The following LAMP1 variants were observed in gnomAD, a reference collection of about 807,000 sequenced individuals.
LAMP1 encodes the protein lysosome associated membrane protein 1.
In LAMP1, 7 loss-of-function variants were observed where a neutral mutation model predicts 37.5. The observed-to-expected ratio is 0.19, with a 90% confidence interval of 0.11 to 0.35. LAMP1 has a LOEUF of 0.35. LAMP1 is among the 10% of genes least tolerant of loss of function. The pLI is 1.00. For synonymous variants in LAMP1, 236 were observed against 229.1 expected (o/e 1.03, Z -0.27); for missense variants, 537 against 552.8 (o/e 0.97, Z 0.29).
Position 113,322,321 on chromosome 13 carries a change from C to G in LAMP1, c.1154C>G (p.Pro385Arg). The change falls in exon 9 of 9, where the codon CCC becomes CGC. Residue 385 changes from proline to arginine, a missense_variant. Coordinates refer to ENST00000332556, the MANE Select transcript of LAMP1 (RefSeq NM_005561.4). ...CLLDENSMLI[P>R]IAVGGALAGL... is the part of the protein sequence containing the mutation. ...CTGGACGAGAACAGCATGCTGATCC[C>G]CATCGCTGTGGGTGGTGCCCTGGCG... 1 of 1,613,824 alleles carries G rather than the reference C, an allele frequency of 6.2e-7. No individual in the cohort carries two copies. Among genetic ancestry groups the G allele is most frequent in the Non-Finnish European group, 8.5e-7 (1 of 1,179,962 alleles).
intron 4 of LAMP1, 150 bp downstream of exon 4, chr13:113,311,017 C>A: frequency 1.6e-6 from 1 of 610,710 alleles, no homozygotes; most frequent in Non-Finnish European, 2.8e-6. Flanking sequence ...AGAACGTTCT[C>A]ATCCTTCTTC....
intron 4 of LAMP1, among the ~76,000 whole-genome samples, chr13:113,317,721 G>A (rs1487229808): frequency 6.8e-6 from 1 of 147,876 alleles, no homozygotes. Context: ...TTTTGAGACA[G>A]GGTCTCCCAG....
intron 4 of LAMP1, among the ~76,000 whole-genome samples, chr13:113,316,117 A>G (rs750102922): frequency 5.3e-5 from 8 of 152,120 alleles, no homozygotes; most frequent in Non-Finnish European, 1.2e-4. Context: ...ACAAAAAAAC[A>G]AAGTAGGGCA....
chr13:113,304,858 T>A (rs2042590578), intron 1 of LAMP1: 1 of 152,156 alleles, frequency 6.6e-6, no homozygotes, highest in East Asian at 1.9e-4. Context: ...GGTTTCACCA[T>A]GTTGGGTAGG....
At position 113,306,465 on chromosome 13, in the gene LAMP1, G is replaced by A. The variant is rs572146184; in HGVS notation, c.62-20G>A. On this transcript the variant is annotated intron_variant, in intron 1 of 8. Transcript: ENST00000332556. ...TTCTGGACAGTTTTTGATGGTCTCC[G>A]TCTTCCCTGGAATTGACAGGCCTCA... 72 of 1,610,828 alleles carry A rather than the reference G, an allele frequency of 4.5e-5. 1 individual carries two copies. In the South Asian group the frequency reaches 6.1e-4, roughly 14 times the overall value.
intron 4 of LAMP1, among the ~76,000 whole-genome samples, chr13:113,311,360 A>G (rs190811653): frequency 6.6e-6 from 1 of 152,364 alleles, no homozygotes; most frequent in Admixed American, 6.5e-5. Flanking sequence ...TCACACATGT[A>G]GGTGTATTTC....
rs570968611 is a variant in LAMP1, at chr13:113,300,485, T to G, written c.61+2990T>G. ...TGGGCAACAAAATCGAAACTCAATG[T>G]CAAAAAAAAAAAAAAAAAAAGAAAA... On this transcript the variant is annotated intron_variant, in intron 1 of 8. Coordinates refer to ENST00000332556, the MANE Select transcript of LAMP1 (RefSeq NM_005561.4). Among the ~76,000 whole-genome samples the G allele has an allele frequency of 7.7e-4, 58 of 74,992 alleles. 1 individual carries two copies. Among genetic ancestry groups the G allele is most frequent in the African/African-American group, 3.9e-3 (56 of 14,386 alleles). 49.2% of individuals were successfully genotyped at this position (74,992 alleles called of 152,430 possible). A position where few individuals can be genotyped will look rare whatever the true frequency, so the allele number is the denominator to read the frequency against.
intron 4 of LAMP1, among the ~76,000 whole-genome samples, chr13:113,313,296 AC>A (rs1452939940): frequency 6.6e-6 from 1 of 152,140 alleles, no homozygotes; most frequent in African/African-American, 2.4e-5. Context: ...CTTTTGAGAA[AC>A]CTGTTTCTTC....
chr13:113,304,682 GT>G (rs2042589732), intron 1 of LAMP1, among the ~76,000 whole-genome samples: 1 of 150,590 alleles, frequency 6.6e-6, no homozygotes, highest in South Asian at 2.1e-4. Context: ...TTGAGACAGA[GT>G]TTTGCTCTTG....
At position 113,297,414 on chromosome 13, in the gene LAMP1, C is replaced by T. The variant is rs144852732; in HGVS notation, c.-21C>T. 0.021 allele frequency: 16,908 copies of T among 810,430 alleles called. 1,921 individuals carry two copies. The African/African-American group carries it at 0.26, about 13-fold the overall frequency. 50.2% of individuals were successfully genotyped at this position (810,430 alleles called of 1,614,324 possible). On this transcript the variant is annotated 5_prime_UTR_variant, in exon 1 of 9. Coordinates refer to ENST00000332556, the MANE Select transcript of LAMP1 (RefSeq NM_005561.4). This position sits in a 1 kb window ranked among gnomAD's most constrained non-coding sequence, Gnocchi z 4.4. ...CCGCCCGCGCCCCCGCTCCCCGCAC[C>T]GTACCCGGCCGCCTCGCGCCATGGC...
intron 1 of LAMP1, chr13:113,305,268 C>G (rs1379082990): frequency 2.6e-5 from 4 of 152,202 alleles, no homozygotes; most frequent in Non-Finnish European, 5.9e-5. Flanking sequence ...AGGCTGTGCT[C>G]ACGCAGTGTG....
intron 4 of LAMP1, among the ~76,000 whole-genome samples, chr13:113,313,006 G>A (rs78892052): frequency 2.0e-4 from 31 of 152,318 alleles, no homozygotes; most frequent in African/African-American, 2.6e-4. Flanking sequence ...GGAAGGGCAC[G>A]CACTCTCTGT....
rs9604066 is a variant in LAMP1 at position 113,321,513 on chromosome 13, G to C, written c.943+43G>C. ...CTGCGAGCCCCGCCCCCGCCCGCGC[G>C]CCCAGGGTATTCTGGAGCCACTAGA... is the stretch of plus-strand genomic sequence containing the variant. On this transcript the variant is annotated intron_variant, in intron 7 of 8. Coordinates refer to ENST00000332556, the MANE Select transcript of LAMP1 (RefSeq NM_005561.4). The surrounding 1 kb of genome is among the most constrained non-coding windows in gnomAD (Gnocchi z 5.6). 0.03 allele frequency: 47,958 copies of C among 1,612,404 alleles called. 7,713 individuals carry two copies. The African/African-American group carries it at 0.43, about 14-fold the overall frequency.
intron 4 of LAMP1, among the ~76,000 whole-genome samples, chr13:113,311,701 G>C (rs1464362255): frequency 3.9e-5 from 6 of 152,190 alleles, no homozygotes; most frequent in African/African-American, 1.4e-4. Flanking sequence ...TCTTGAGCAG[G>C]GTAGTTTACC....
rs539321614 is a variant in LAMP1, at chr13:113,301,858, C to CTTTTTTTTTTTTTTTTTT, written c.61+4368_61+4385dup. 4.0e-5 allele frequency among the ~76,000 whole-genome samples: 3 copies of CTTTTTTTTTTTTTTTTTT among 74,314 alleles called. 1 individual carries two copies. Among genetic ancestry groups the CTTTTTTTTTTTTTTTTTT allele is most frequent in the Admixed American group, 1.8e-4 (1 of 5,442 alleles). 48.8% of individuals were successfully genotyped at this position (74,314 alleles called of 152,430 possible). On this transcript the variant is annotated intron_variant, in intron 1 of 8. Coordinates refer to ENST00000332556, the MANE Select transcript of LAMP1 (RefSeq NM_005561.4). Reference sequence around the variant, plus strand: ...GCCAAGAAAAACTAAGATGTGATTTCTTTTTTTTTTTTTTTTTTTTTTGAG... The same window carrying CTTTTTTTTTTTTTTTTTT: ...GCCAAGAAAAACTAAGATGTGATTTCTTTTTTTTTTTTTTTTTTTTTTTTTTTTTTTTTTTTTTTTGAG...
At chr13:113,315,793 CTGAG>C (rs954950662) in intron 4 of LAMP1, among the ~76,000 whole-genome samples, 29 of 152,126 alleles carry the variant, frequency 1.9e-4, no homozygotes, top group African/African-American at 4.8e-4. Flanking sequence ...ACCTTCCTTC[CTGAG>C]TATCTTCAAA....
At chr13:113,302,101 G>A (rs1247854544) in intron 1 of LAMP1, among the ~76,000 whole-genome samples, 1 of 151,856 alleles carries the variant, frequency 6.6e-6, no homozygotes, top group Non-Finnish European at 1.5e-5. Flanking sequence ...AACCTCAGGT[G>A]ATCTGCCCAC....
rs1595455192 is a variant in LAMP1, at chr13:113,297,969, G to T, written c.61+474G>T. On this transcript the variant is annotated intron_variant, in intron 1 of 8. Coordinates refer to ENST00000332556, the MANE Select transcript of LAMP1 (RefSeq NM_005561.4). This position sits in a 1 kb window ranked among gnomAD's most constrained non-coding sequence, Gnocchi z 4.4. ...ACATGGATTTCACCCAGGACAGGGAGAAGCCGGTGCGAGCATTCCCCACCT... is the reference window on the plus strand; with the variant it reads ...ACATGGATTTCACCCAGGACAGGGATAAGCCGGTGCGAGCATTCCCCACCT... Among the ~76,000 whole-genome samples, 1 of 152,220 alleles carries T rather than the reference G, an allele frequency of 6.6e-6. No homozygotes were observed. Among genetic ancestry groups the T allele is most frequent in the South Asian group, 2.1e-4 (1 of 4,834 alleles).
At chr13:113,301,535 A>C (rs1334526558) in intron 1 of LAMP1, among the ~76,000 whole-genome samples, 1 of 151,044 alleles carries the variant, frequency 6.6e-6, no homozygotes, top group African/African-American at 2.4e-5. Context: ...AGGTAGGAGA[A>C]TTGCTTGAGC....
Sources: allele counts gnomAD v4.1 joint callset (sites outside exome capture counted in the v4.1 genomes callset), GRCh38; gene constraint gnomAD v4.1.1; non-coding constraint Gnocchi (gnomAD v3.1); transcripts MANE v1.5; gene names NCBI Gene and HGNC (gene_info 2026-07-23, HGNC 2026-07-21).